FRY: variants seen among roughly 807,000 people sequenced by gnomAD.
FRY encodes the protein protein furry homolog.
In FRY, 128 loss-of-function variants were observed where a neutral mutation model predicts 348.4. The observed-to-expected ratio is 0.37, with a 90% CI of 0.32 to 0.43. The LOEUF (loss-of-function observed/expected upper bound fraction) is 0.43, where lower values mean the gene tolerates loss of function less well. Ranked by LOEUF, FRY falls within the 20% of genes least tolerant of loss-of-function variation. FRY has a pLI of 1.00. For missense variants in FRY, 2,736 were observed against 3,695.2 expected (o/e 0.74, Z 6.73); for synonymous variants, 1,370 against 1,374.7 (o/e 1.00, Z 0.08).
chr13:32,293,879 G>A (rs1210310283), intron 59 of FRY, among the ~76,000 whole-genome samples: 1 of 152,146 alleles, frequency 6.6e-6, no homozygotes, highest in South Asian at 2.1e-4. Flanking sequence ...GTGCTGGACT[G>A]TACTAAGCAT....
chr13:32,107,910 A>G (rs1380191576), intron 3 of FRY, among the ~76,000 whole-genome samples: 1 of 152,232 alleles, frequency 6.6e-6, no homozygotes, highest in Non-Finnish European at 1.5e-5. Flanking sequence ...TTGAAGATGT[A>G]TATACTATCA....
chr13:32,278,620 A>G (rs1236584325), intron 58 of FRY, 72 bp downstream of exon 58: 2 of 858,324 alleles, frequency 2.3e-6, no homozygotes, highest in Non-Finnish European at 4.1e-6. Flanking sequence ...CTACCCAAGA[A>G]GCCTGGAACT....
At chr13:32,289,436 A>C (rs141138785) in intron 58 of FRY, among the ~76,000 whole-genome samples, 197 bp from the exon 59 acceptor site, 1 of 152,184 alleles carries the variant, frequency 6.6e-6, no homozygotes, top group Non-Finnish European at 1.5e-5. Context: ...TACACAAACT[A>C]TAATGGAAAT....
chr13:32,095,584 C>T (rs1187885099), intron 2 of FRY, among the ~76,000 whole-genome samples: 1 of 152,042 alleles, frequency 6.6e-6, no homozygotes, highest in Non-Finnish European at 1.5e-5. Context: ...ACCTCGTGAT[C>T]CACCCACCTT....
At chr13:32,291,211 AT>A (rs1171209389) in intron 59 of FRY, among the ~76,000 whole-genome samples, 8 of 151,976 alleles carry the variant, frequency 5.3e-5, no homozygotes, top group Non-Finnish European at 1.0e-4. Flanking sequence ...CCATTTTACC[AT>A]TTTTTTATTA....
Position 32,123,366 on chromosome 13 carries a change from T to TAG in FRY, c.465-919_465-918insGA, listed in dbSNP as rs1878801975. Among the ~76,000 whole-genome samples the TAG allele has an allele frequency of 3.9e-5, 6 of 152,348 alleles. 1 individual carries two copies. In the South Asian group the frequency reaches 1.2e-3, roughly 32 times the overall value. ...GCACAAATGACTGCTTTGCTTCTCC[T>TAG]ACCTCTTCTTCCTTCTGCCTTTTAC... On this transcript the variant is annotated intron_variant, in intron 4 of 60. Transcript: ENST00000542859.
intron 58 of FRY, chr13:32,287,878 TC>T (rs1473284845): frequency 2.2e-6 from 3 of 1,355,068 alleles, no homozygotes; most frequent in Non-Finnish European, 3.0e-6. Context: ...AAATGGAATC[TC>T]TTGCAGTAAG....
In FRY at chr13:32,268,502, AAAAATATATATATATATATATAT is replaced by A. The variant is rs1888043045; in HGVS notation, c.8136+1145_8136+1167del. On this transcript the variant is annotated intron_variant, in intron 55 of 60. Coordinates refer to ENST00000542859, the MANE Select transcript of FRY (RefSeq NM_023037.3). ...AAGCTAGTTTAAAAAAAAAAAAAAA[AAAAATATATATATATATATATAT>A]ATATATATATATATCTAGATTAGTA... Among the ~76,000 whole-genome samples, 2 of 16,982 alleles carry A rather than the reference AAAAATATATATATATATATATAT, an allele frequency of 1.2e-4. 1 individual carries two copies. The highest frequency in any genetic ancestry group is 3.2e-4 in the African/African-American group (2 of 6,168). 11.1% of individuals were successfully genotyped at this position (16,982 alleles called of 152,430 possible).
At chr13:32,063,880 G>A (rs375764740) in intron 1 of FRY, among the ~76,000 whole-genome samples, 37 of 152,300 alleles carry the variant, frequency 2.4e-4, no homozygotes, top group East Asian at 9.6e-4. Context: ...GTTCTGATGC[G>A]AGTCTTGGGT....
intron 22 of FRY, 66 bp from the exon 23 acceptor site, chr13:32,179,609 C>A: frequency 6.6e-6 from 10 of 1,519,106 alleles, no homozygotes; most frequent in Non-Finnish European, 9.0e-6. Context: ...ATGGGATCAT[C>A]CTTTGATTAA....
At chr13:32,189,337 A>C (rs548568636) in intron 28 of FRY, among the ~76,000 whole-genome samples, 1 of 152,044 alleles carries the variant, frequency 6.6e-6, no homozygotes, top group African/African-American at 2.4e-5. Flanking sequence ...GGTGCAAAAA[A>C]TTTTTAATCC....
chr13:32,227,277 A>G (rs749446041), intron 39 of FRY, among the ~76,000 whole-genome samples: 4 of 152,214 alleles, frequency 2.6e-5, no homozygotes, highest in Non-Finnish European at 5.9e-5. Context: ...AGTTTCAACT[A>G]TAGTTGCTTT....
intron 11 of FRY, among the ~76,000 whole-genome samples, chr13:32,144,212 AAAAC>A (rs1880261156): frequency 1.3e-5 from 2 of 150,674 alleles, no homozygotes; most frequent in African/African-American, 2.4e-5. Flanking sequence ...AAAAAAAACC[AAAAC>A]AAACAAAAAA....
intron 1 of FRY, among the ~76,000 whole-genome samples, chr13:32,043,173 G>A (rs181194717): frequency 6.6e-5 from 10 of 152,222 alleles, no homozygotes; most frequent in Non-Finnish European, 8.8e-5. Flanking sequence ...TCAAACCATC[G>A]GATCTTGTGA....
Position 32,136,950 on chromosome 13 carries a change from A to G in FRY, c.1157A>G (p.Asn386Ser). ...LFLNRWHIFL[N>S]NCLSNLKNKD... is the part of the protein sequence containing the mutation. ...CTGAACAGGTGGCACATTTTCCTCA[A>G]CAACTGCTTGTCCAACCTTAAAGTT... Residue 386 changes from asparagine (N) to serine (S), a missense_variant, in exon 11 of 61, where the codon AAC (asparagine) becomes AGC (serine). Coordinates refer to ENST00000542859, the MANE Select transcript of FRY (RefSeq NM_023037.3). The G allele has an allele frequency of 1.3e-6, 2 of 1,592,454 alleles. 1 individual carries two copies. Among genetic ancestry groups the G allele is most frequent in the East Asian group, 4.5e-5 (2 of 44,784 alleles).
chr13:32,173,725 T>C (rs1882222831), intron 19 of FRY, among the ~76,000 whole-genome samples, 176 bp downstream of exon 19: 1 of 152,222 alleles, frequency 6.6e-6, no homozygotes. Flanking sequence ...TAGATGTAAG[T>C]CATATTTTCT....
chr13:32,137,561 A>T (rs1325448498), intron 11 of FRY, among the ~76,000 whole-genome samples: 1 of 152,252 alleles, frequency 6.6e-6, no homozygotes, highest in Non-Finnish European at 1.5e-5. Flanking sequence ...GTTTCCAGCA[A>T]TACACCTGCT....
At chr13:32,183,647 GC>G (rs1882846087) in intron 24 of FRY, among the ~76,000 whole-genome samples, 3 of 151,824 alleles carry the variant, frequency 2.0e-5, no homozygotes, top group Admixed American at 1.3e-4. Flanking sequence ...GTGGTGGCAC[GC>G]GCCTGTAGTC....
intron 1 of FRY, among the ~76,000 whole-genome samples, chr13:32,059,854 C>G (rs933834677): frequency 2.6e-5 from 4 of 152,124 alleles, no homozygotes. Flanking sequence ...AAATGTAAAC[C>G]AAATACCACA....
Sources: allele counts gnomAD v4.1 joint callset (sites outside exome capture counted in the v4.1 genomes callset), GRCh38; gene constraint gnomAD v4.1.1; transcripts MANE v1.5; gene names NCBI Gene and HGNC (gene_info 2026-07-23, HGNC 2026-07-21).